The following KIF5C variants were observed in gnomAD, a reference collection of about 807,000 sequenced individuals.
The protein encoded by KIF5C is kinesin family member 5C.
In KIF5C, 18 loss-of-function variants were observed where a neutral mutation model predicts 125.2. That is an observed-to-expected ratio of 0.14 (90% confidence interval 0.10 to 0.21). KIF5C has a LOEUF of 0.21. Ranked by LOEUF, KIF5C falls within the 10% of genes least tolerant of loss-of-function variation. The probability of loss-of-function intolerance (pLI) is 1.00; values close to 1 mark genes in which losing one functional copy is unlikely to be tolerated. For missense variants in KIF5C, 780 were observed against 1,183.8 expected (o/e 0.66, Z 5.01); for synonymous variants, 405 against 434.0 (o/e 0.93, Z 0.83).
chr2:148,945,869 A>G (rs911112387), intron 7 of KIF5C, among the ~76,000 whole-genome samples: 4 of 152,090 alleles, frequency 2.6e-5, no homozygotes, highest in Admixed American at 6.5e-5. Context: ...ATGTCATTGA[A>G]ATTTTGATAG....
In KIF5C at chr2:148,998,760, G is replaced by C. The variant is rs1416042370; in HGVS notation, c.2210+251G>C. ...CCTCTCCTAGTCCCCGAGGGCCAGG[G>C]TCACATAGGTGATTCCGCTGGATGG... On this transcript the variant is annotated intron_variant, in intron 19 of 25. Coordinates refer to ENST00000435030, the MANE Select transcript of KIF5C (RefSeq NM_004522.3). 6.5e-6 allele frequency: 3 copies of C among 462,966 alleles called. No homozygotes were observed. The East Asian group carries it at 1.1e-4, about 18-fold the overall frequency. The allele number at this position is 462,966 out of a possible 1,614,324, so 28.7% of individuals were successfully genotyped here. A position where few individuals can be genotyped will look rare whatever the true frequency, so the allele number is the denominator to read the frequency against.
At chr2:149,021,931 G>C (rs1004010757) in intron 25 of KIF5C, among the ~76,000 whole-genome samples, 1 of 152,062 alleles carries the variant, frequency 6.6e-6, no homozygotes, top group African/African-American at 2.4e-5. Context: ...AGGAAACAGA[G>C]CCTTTCAGTG....
At chr2:148,984,338 T>A (rs946446977) in intron 15 of KIF5C, among the ~76,000 whole-genome samples, 2 of 152,236 alleles carry the variant, frequency 1.3e-5, no homozygotes, top group African/African-American at 4.8e-5. Context: ...AATCAAAATC[T>A]GCACTTTAAC....
chr2:148,942,721 A>G lies in KIF5C; in HGVS notation c.550A>G (p.Ile184Val), dbSNP rs764908739. ...VSSPEEVMDV[I>V]DEGKANRHVA... ...GAGCCCTGAGGAAGTCATGGATGTA[A>G]TAGATGAAGGCAAAGCAAACCGACA... is the stretch of plus-strand genomic sequence containing the variant. The change falls in exon 7 of 26, where the codon ATA becomes GTA. Residue 184 changes from isoleucine to valine, a missense_variant. Transcript: ENST00000435030. 2.5e-6 allele frequency: 4 copies of G among 1,611,644 alleles called. No homozygotes were observed. Among genetic ancestry groups the G allele is most frequent in the Non-Finnish European group, 3.4e-6 (4 of 1,179,124 alleles).
At chr2:148,965,772 T>A (rs950876542) in intron 11 of KIF5C, among the ~76,000 whole-genome samples, 3 of 152,214 alleles carry the variant, frequency 2.0e-5, no homozygotes, top group South Asian at 2.1e-4. Context: ...AGCTGCGATC[T>A]GAACTGAGTG....
chr2:148,941,661 A>G lies in KIF5C; in HGVS notation c.445+3A>G, dbSNP rs1682407723. On this transcript the variant is annotated splice_donor_region_variant and intron_variant, in intron 5 of 25. Transcript: ENST00000435030. ...CAAAATAAGGGACTTACTTGATGGTAAGTAACCTCAGTGCTTGTCCTTTAT... is the reference window on the plus strand; with the variant it reads ...CAAAATAAGGGACTTACTTGATGGTGAGTAACCTCAGTGCTTGTCCTTTAT... The G allele has an allele frequency of 3.2e-6, 5 of 1,558,920 alleles. No individual in the cohort carries two copies. The highest frequency in any genetic ancestry group is 4.3e-6 in the Non-Finnish European group (5 of 1,149,806).
At chr2:149,000,608 T>G in intron 20 of KIF5C, 84 bp downstream of exon 20, 1 of 1,573,366 alleles carries the variant, frequency 6.4e-7, no homozygotes, top group South Asian at 1.2e-5. Flanking sequence ...AAACAGACAA[T>G]GGCTATTTGT....
At chr2:148,936,492 A>C (rs1682294731) in intron 3 of KIF5C, among the ~76,000 whole-genome samples, 1 of 152,170 alleles carries the variant, frequency 6.6e-6, no homozygotes. Flanking sequence ...CTTCATTAGG[A>C]GTTGCTGTCA....
At chr2:148,895,637 T>C (rs1681818907) in intron 1 of KIF5C, among the ~76,000 whole-genome samples, 1 of 152,222 alleles carries the variant, frequency 6.6e-6, no homozygotes. Flanking sequence ...CTATTTAATA[T>C]AACTAGCGTA....
At chr2:149,002,571 T>G (rs1403548135) in intron 21 of KIF5C, among the ~76,000 whole-genome samples, 1 of 152,152 alleles carries the variant, frequency 6.6e-6, no homozygotes, top group Non-Finnish European at 1.5e-5. Context: ...CCACACTTTC[T>G]CACTCGCACA....
At chr2:148,919,865 A>G (rs1339716691) in intron 1 of KIF5C, among the ~76,000 whole-genome samples, 3 of 152,216 alleles carry the variant, frequency 2.0e-5, no homozygotes, top group Non-Finnish European at 4.4e-5. Flanking sequence ...GTCTCATAAC[A>G]AATCACTTTC....
chr2:149,008,507 C>T (rs569536228), intron 23 of KIF5C, among the ~76,000 whole-genome samples: 49 of 152,232 alleles, frequency 3.2e-4, no homozygotes, highest in African/African-American at 1.0e-3. Context: ...TTCATTGCAC[C>T]GTGGGAGGAC....
chr2:148,989,175 C>T (rs1334036873), intron 15 of KIF5C, among the ~76,000 whole-genome samples: 2 of 152,056 alleles, frequency 1.3e-5, no homozygotes, highest in Non-Finnish European at 2.9e-5. Flanking sequence ...CCTTTGTGTC[C>T]TCATAGCTAG....
intron 21 of KIF5C, among the ~76,000 whole-genome samples, chr2:149,002,154 T>A (rs1427875642): frequency 6.6e-6 from 1 of 152,244 alleles, no homozygotes; most frequent in Non-Finnish European, 1.5e-5. Context: ...TATAGATAAT[T>A]ATAGAAATTC....
At chr2:148,987,824 C>T (rs1681422588) in intron 15 of KIF5C, among the ~76,000 whole-genome samples, 1 of 152,206 alleles carries the variant, frequency 6.6e-6, no homozygotes, top group Admixed American at 6.5e-5. Flanking sequence ...TTGGCCCACA[C>T]TGACTTCTTT....
chr2:148,876,051 G>C lies in KIF5C; in HGVS notation c.126+308G>C, dbSNP rs191094677. On this transcript the variant is annotated intron_variant, in intron 1 of 25. Transcript: ENST00000435030. This position sits in a 1 kb window ranked among gnomAD's most constrained non-coding sequence, Gnocchi z 4.7. The stretch of plus-strand genomic sequence containing the variant: ...GGTGGGCCCATTGTTCCCCACGCTC[G>C]CCTCGCCGCGTGGGTAGTGTGTTCG... Among the ~76,000 whole-genome samples, 1 of 152,208 alleles carries C rather than the reference G, an allele frequency of 6.6e-6. No homozygotes were observed. The highest frequency in any genetic ancestry group is 1.5e-5 in the Non-Finnish European group (1 of 67,976).
At chr2:148,921,667 C>T (rs1435572933) in intron 1 of KIF5C, among the ~76,000 whole-genome samples, 2 of 152,158 alleles carry the variant, frequency 1.3e-5, no homozygotes, top group African/African-American at 2.4e-5. Flanking sequence ...TTTCCTTGCC[C>T]TCTCTAGCAT....
chr2:148,899,149 C>T (rs1680783319), intron 1 of KIF5C, among the ~76,000 whole-genome samples: 1 of 151,986 alleles, frequency 6.6e-6, no homozygotes, highest in Non-Finnish European at 1.5e-5. Context: ...TCAGATTAGC[C>T]TATATAGTTC....
chr2:148,992,112 A>C (rs766286634), intron 16 of KIF5C, among the ~76,000 whole-genome samples: 1 of 152,232 alleles, frequency 6.6e-6, no homozygotes, highest in South Asian at 2.1e-4. Context: ...ACAAAAGCAC[A>C]CTTTATTCTG....
Sources: allele counts gnomAD v4.1 joint callset (sites outside exome capture counted in the v4.1 genomes callset), GRCh38; gene constraint gnomAD v4.1.1; non-coding constraint Gnocchi (gnomAD v3.1); transcripts MANE v1.5; gene names NCBI Gene and HGNC (gene_info 2026-07-23, HGNC 2026-07-21).